Variants in ARL10 observed in about 807,000 individuals in gnomAD.
ARL10 encodes ARF like GTPase 10.
In ARL10, 23 loss-of-function variants were observed where a neutral mutation model predicts 26.1. The ratio of observed to expected loss-of-function variants is 0.88; its 90% confidence interval spans 0.63 to 1.25. The LOEUF (loss-of-function observed/expected upper bound fraction) is 1.25. Among genes scored for constraint, ARL10 ranks in the 50% most tolerant of loss-of-function variants. The probability of loss-of-function intolerance (pLI) is 0.00; values close to 1 mark genes in which losing one functional copy is unlikely to be tolerated. For missense variants in ARL10, 300 were observed against 323.6 expected (o/e 0.93, Z 0.56); for synonymous variants, 138 against 149.1 (o/e 0.93, Z 0.54).
At chr5:176,386,746 T>C (rs943095298), downstream of ARL10, 2 of 1,100,090 alleles carry the variant, frequency 1.8e-6, no homozygotes, top group Admixed American at 3.4e-5. Flanking sequence ...TGAAACTTGG[T>C]TTCTCCATCT....
chr5:176,398,100 C>T, intron 1 of ARL10: 1 of 1,527,784 alleles, frequency 6.5e-7, no homozygotes, highest in Non-Finnish European at 9.1e-7. Context: ...GCCCCGCTGT[C>T]TCTGCTGCCC....
At chr5:176,398,063 G>T in intron 1 of ARL10, 1 of 1,608,774 alleles carries the variant, frequency 6.2e-7, no homozygotes, top group South Asian at 1.1e-5. Context: ...ACACAAACAC[G>T]CAGCAGTCTA....
chr5:176,384,082 G>A (rs540517519), downstream of ARL10: 2 of 1,595,464 alleles, frequency 1.3e-6, no homozygotes, highest in South Asian at 1.1e-5. Context: ...CCAGAGCGGG[G>A]AGTGTGCACG....
In ARL10 at chr5:176,365,609, G is replaced by A. The variant is rs1205665794; in HGVS notation, c.46G>A (p.Ala16Thr). The A allele has an allele frequency of 8.0e-7, 1 of 1,256,668 alleles. No individual in the cohort carries two copies. Among genetic ancestry groups the A allele is most frequent in the Non-Finnish European group, 1.0e-6 (1 of 1,002,386 alleles). The allele number at this position is 1,256,668 out of a possible 1,614,324, so 77.8% of individuals were successfully genotyped here. A position where few individuals can be genotyped will look rare whatever the true frequency, so the allele number is the denominator to read the frequency against. ...CCCCTTGGTGCTGGCGCTGGGCGGC[G>A]CCGCGGCGGTGCTGGGCTCGGTGCT... ...LGPLVLALGGAAAVLGSVLFI... is the reference protein window; with the variant it reads ...LGPLVLALGGTAAVLGSVLFI... Residue 16 changes from alanine (A) to threonine (T), a missense_variant, in exon 1 of 4, where the codon GCC becomes ACC. Coordinates refer to ENST00000310389, the MANE Select transcript of ARL10 (RefSeq NM_173664.6).
At chr5:176,388,763 C>A (rs921382613), downstream of ARL10, 3 of 1,589,204 alleles carry the variant, frequency 1.9e-6, no homozygotes, top group Admixed American at 5.4e-5. Context: ...CTTTCATGAC[C>A]TTCACCGGGA....
downstream of ARL10, among the ~76,000 whole-genome samples, chr5:176,403,007 C>T (rs1343464887): frequency 6.6e-6 from 1 of 151,022 alleles, no homozygotes; most frequent in Non-Finnish European, 1.5e-5. Context: ...CTCTTTTCAT[C>T]TGTATCCTTC....
At chr5:176,386,761 A>C (rs1002462273), downstream of ARL10, 4 of 1,277,740 alleles carry the variant, frequency 3.1e-6, no homozygotes, top group African/African-American at 4.4e-5. Context: ...CCATCTGCAA[A>C]ATGAGGACAT....
In ARL10 at chr5:176,377,775, T is replaced by C. The variant is rs1755424372; in HGVS notation, c.*5880T>C. ...GTGCAGAGGTTGTTTTTTGTTTTTT[T>C]GTTTTGAGACAGGATCTCACTCTGT... is the stretch of plus-strand genomic sequence containing the variant. On this transcript the variant is annotated 3_prime_UTR_variant, in exon 4 of 4. Transcript: ENST00000310389. The surrounding 1 kb of genome is among the most constrained non-coding windows in gnomAD (Gnocchi z 4.5). 6.6e-6 allele frequency: 1 copy of C among 152,244 alleles called. No individual in the cohort carries two copies. 9.4% of individuals were successfully genotyped at this position (152,244 alleles called of 1,614,324 possible).
At chr5:176,397,820 C>T (rs1270539857) in intron 1 of ARL10, 12 of 1,477,668 alleles carry the variant, frequency 8.1e-6, no homozygotes, top group Middle Eastern at 1.7e-4. Context: ...AGGGCCGCAC[C>T]GGCCCAGTCC....
At chr5:176,385,281 C>CA (rs765548569), downstream of ARL10, 6 of 1,613,334 alleles carry the variant, frequency 3.7e-6, no homozygotes, top group East Asian at 1.3e-4. Flanking sequence ...GGTCCCGAGA[C>CA]AGAGTATTTC....
At chr5:176,390,182 CAAAAAAAAA>C (rs60632467), downstream of ARL10, among the ~76,000 whole-genome samples, 1 of 65,238 alleles carries the variant, frequency 1.5e-5, no homozygotes, top group African/African-American at 5.8e-5. Flanking sequence ...AACTCCATCT[CAAAAAAAAA>C]AAAAAAAAAA....
At chr5:176,367,580 C>T (rs1385458637) in intron 2 of ARL10, among the ~76,000 whole-genome samples, 1 of 152,210 alleles carries the variant, frequency 6.6e-6, no homozygotes, top group Non-Finnish European at 1.5e-5. Context: ...ATGTGGCCCG[C>T]CCCAGCCAGC....
downstream of ARL10, chr5:176,389,202 C>G: frequency 8.3e-7 from 1 of 1,199,480 alleles, no homozygotes; most frequent in East Asian, 2.3e-5. Flanking sequence ...GACCTCGACT[C>G]GACCTACCCT....
In ARL10 at chr5:176,373,228, G is replaced by A; in HGVS notation, c.*1333G>A. The A allele has an allele frequency of 2.5e-6, 1 of 394,016 alleles. No individual in the cohort carries two copies. The highest frequency in any genetic ancestry group is 4.5e-6 in the Non-Finnish European group (1 of 223,702). 24.4% of individuals were successfully genotyped at this position (394,016 alleles called of 1,614,324 possible). A position where few individuals can be genotyped will look rare whatever the true frequency, so the allele number is the denominator to read the frequency against. Reference sequence around the variant, plus strand: ...CTTGGGTACATCACTCAGCCTTTCTGGACCCAATTTTTCCCCAGTGAAAGC... The same window carrying A: ...CTTGGGTACATCACTCAGCCTTTCTAGACCCAATTTTTCCCCAGTGAAAGC... On this transcript the variant is annotated 3_prime_UTR_variant, in exon 4 of 4. Coordinates refer to ENST00000310389, the MANE Select transcript of ARL10 (RefSeq NM_173664.6).
At chr5:176,388,817 G>A (rs765097084), downstream of ARL10, 4 of 1,613,542 alleles carry the variant, frequency 2.5e-6, no homozygotes, top group South Asian at 1.1e-5. Flanking sequence ...CTGTGGCCCG[G>A]ACATGGCGAC....
the ARL10 span, among the ~76,000 whole-genome samples, chr5:176,413,113 A>G: frequency 1.3e-5 from 2 of 152,168 alleles, no homozygotes; most frequent in Non-Finnish European, 2.9e-5. Flanking sequence ...ACACCTACAC[A>G]GCATTCCAAG....
chr5:176,412,174 CAAA>C, the ARL10 span, among the ~76,000 whole-genome samples: 3 of 82,384 alleles, frequency 3.6e-5, no homozygotes, highest in Non-Finnish European at 7.3e-5. Flanking sequence ...AGACTCATCT[CAAA>C]AAAAAAAAAA....
the ARL10 span, among the ~76,000 whole-genome samples, chr5:176,411,233 C>T: frequency 6.6e-6 from 1 of 152,202 alleles, no homozygotes. Flanking sequence ...TCACAGGCCC[C>T]CTTGACTCCA....
rs57355440 is a variant in ARL10, at chr5:176,394,545, C to T, written c.134-7196C>T. 6.1e-3 allele frequency among the ~76,000 whole-genome samples: 929 copies of T among 152,022 alleles called. 4 individuals carry two copies. Among genetic ancestry groups the T allele is most frequent in the African/African-American group, 0.011 (456 of 41,398 alleles). On this transcript the variant is annotated intron_variant, in intron 1 of 1. Coordinates refer to the ARL10 transcript ENST00000514533. ...AAAATTAGCTGGGTGTGGCCAGGCG[C>T]GGTGGCTCATGCCTGTAATCCCAGC...
Sources: gnomAD v4.1 joint callset for allele counts (sites outside exome capture counted in the v4.1 genomes callset) on GRCh38, gnomAD v4.1.1 for gene constraint, Gnocchi (gnomAD v3.1) non-coding constraint, MANE v1.5 for transcripts, NCBI Gene and HGNC (gene_info 2026-07-23, HGNC 2026-07-21) for gene names.